SCYL3: variants seen among roughly 807,000 people sequenced by gnomAD.
The protein encoded by SCYL3 is SCY1 like pseudokinase 3, also known as protein-associating with the carboxyl-terminal domain of ezrin.
Under a neutral mutation model 73.8 loss-of-function variants are expected in SCYL3, and 35 were observed. The observed-to-expected ratio is 0.47, with a 90% CI of 0.36 to 0.63. The LOEUF (loss-of-function observed/expected upper bound fraction) is 0.63. SCYL3 is among the 20% of genes least tolerant of loss of function. SCYL3 has a pLI of 0.00. For missense variants in SCYL3, 712 were observed against 798.9 expected, an observed-to-expected ratio of 0.89 and a Z score of 1.31; for synonymous variants, 277 against 295.2, an observed-to-expected ratio of 0.94 and a Z score of 0.63.
chr1:169,871,864 T>C (rs1449001471), intron 5 of SCYL3, among the ~76,000 whole-genome samples: 2 of 152,174 alleles, frequency 1.3e-5, no homozygotes, highest in Non-Finnish European at 2.9e-5. Context: ...AGAGAGGATT[T>C]AGGGTATCTG....
intron 9 of SCYL3, among the ~76,000 whole-genome samples, chr1:169,863,883 C>T (rs1659839576): frequency 6.6e-6 from 1 of 152,160 alleles, no homozygotes; most frequent in Admixed American, 6.5e-5. Flanking sequence ...TATATTCTCT[C>T]ATCTGTTGTT....
intron 8 of SCYL3, among the ~76,000 whole-genome samples, chr1:169,866,540 T>C (rs184463344): frequency 1.2e-3 from 186 of 152,336 alleles, no homozygotes; most frequent in African/African-American, 4.3e-3. Flanking sequence ...ACTCAACTGT[T>C]TGCGGTTCCT....
intron 11 of SCYL3, 148 bp from the exon 12 acceptor site, chr1:169,855,112 C>T (rs1378052018): frequency 5.1e-6 from 3 of 586,084 alleles, no homozygotes; most frequent in Admixed American, 3.4e-5. Flanking sequence ...CCCAGCAGAA[C>T]ATTACTCAAG....
intron 7 of SCYL3, among the ~76,000 whole-genome samples, chr1:169,867,775 C>T (rs1014911705): frequency 6.6e-6 from 1 of 152,214 alleles, no homozygotes; most frequent in African/African-American, 2.4e-5. Context: ...TTTCTCCCCA[C>T]ATTAACAGTG....
chr1:169,871,446 G>A (rs768028423), intron 5 of SCYL3, among the ~76,000 whole-genome samples: 4 of 152,194 alleles, frequency 2.6e-5, no homozygotes, highest in Non-Finnish European at 4.4e-5. Flanking sequence ...GAACTCCCCA[G>A]CCACGTGGAA....
At chr1:169,877,704 G>A (rs1295884686) in intron 3 of SCYL3, among the ~76,000 whole-genome samples, 2 of 152,268 alleles carry the variant, frequency 1.3e-5, no homozygotes, top group African/African-American at 4.8e-5. Context: ...TTAGGGCACT[G>A]GATTCAAGGA....
intron 2 of SCYL3, among the ~76,000 whole-genome samples, chr1:169,883,434 G>A (rs1231687977): frequency 6.6e-6 from 1 of 152,188 alleles, no homozygotes; most frequent in Non-Finnish European, 1.5e-5. Context: ...TAAAGCTCTA[G>A]GGTCTACCCT....
chr1:169,853,994 A>AAATC (rs1465839626), intron 12 of SCYL3: 1 of 614,636 alleles, frequency 1.6e-6, no homozygotes, highest in African/African-American at 1.9e-5. Context: ...AATCCAGTAA[A>AAATC]AATCAGTGTG....
chr1:169,854,583 A>G lies in SCYL3; in HGVS notation c.1694T>C (p.Leu565Ser). 1 of 1,613,786 alleles carries G rather than the reference A, an allele frequency of 6.2e-7. No individual in the cohort carries two copies. The highest frequency in any genetic ancestry group is 8.5e-7 in the Non-Finnish European group (1 of 1,179,858). ...TTGTACAAGGCTAATCTTTTGGGGT[A>G]AGCTTGATTTCCAAGGCATAGACTC... ...TEESMPWKSS[L>S]PQKISLVQRG... Residue 565 changes from leucine (L) to serine (S), a missense_variant, in exon 12 of 13, where the codon TTA becomes TCA. Coordinates refer to ENST00000367771, the MANE Select transcript of SCYL3 (RefSeq NM_020423.7).
At chr1:169,893,619 G>A (rs909314752) in intron 1 of SCYL3, among the ~76,000 whole-genome samples, 169 bp downstream of exon 1, 2 of 151,784 alleles carry the variant, frequency 1.3e-5, no homozygotes, top group African/African-American at 2.4e-5. Flanking sequence ...CCGAAGCTGA[G>A]AGCACAGCTC....
At chr1:169,856,225 T>C (rs1025171863) in intron 11 of SCYL3, among the ~76,000 whole-genome samples, 1 of 152,182 alleles carries the variant, frequency 6.6e-6, no homozygotes, top group Non-Finnish European at 1.5e-5. Context: ...TTGGGACACC[T>C]AGCTAAAAAG....
Position 169,852,535 on chromosome 1 carries a change from C to T in SCYL3, c.*1178G>A. ...CTATGCAGCACTTCTCATTGGGAGC[C>T]CTTTGGGACAGGATACTTGTTGTAT... On this transcript the variant is annotated 3_prime_UTR_variant, in exon 13 of 13. Coordinates refer to ENST00000367771, the MANE Select transcript of SCYL3 (RefSeq NM_020423.7). 1 of 482,326 alleles carries T rather than the reference C, an allele frequency of 2.1e-6. No homozygotes were observed. The highest frequency in any genetic ancestry group is 3.7e-6 in the Non-Finnish European group (1 of 271,644). The allele number at this position is 482,326 out of a possible 1,614,324, so 29.9% of individuals were successfully genotyped here. A position where few individuals can be genotyped will look rare whatever the true frequency, so the allele number is the denominator to read the frequency against.
rs1658608662 is a variant in SCYL3, at chr1:169,852,966, T to A, written c.*747A>T. The A allele has an allele frequency of 6.2e-7, 1 of 1,613,932 alleles. No homozygotes were observed. Among genetic ancestry groups the A allele is most frequent in the Admixed American group, 1.7e-5 (1 of 60,000 alleles). On this transcript the variant is annotated 3_prime_UTR_variant, in exon 13 of 13. Coordinates refer to ENST00000367771, the MANE Select transcript of SCYL3 (RefSeq NM_020423.7). The stretch of plus-strand genomic sequence containing the variant: ...AAGAAAGGATGGATAAGCTAAAACG[T>A]TACATACATACTCTAGGGTGAAACT...
intron 2 of SCYL3, among the ~76,000 whole-genome samples, chr1:169,881,914 A>G (rs1444226094): frequency 6.6e-6 from 1 of 152,224 alleles, no homozygotes; most frequent in Non-Finnish European, 1.5e-5. Flanking sequence ...TCCTGCTCCT[A>G]TGAGAATCTA....
At chr1:169,888,491 T>C (rs185423508) in intron 2 of SCYL3, among the ~76,000 whole-genome samples, 185 bp downstream of exon 2, 2 of 152,356 alleles carry the variant, frequency 1.3e-5, no homozygotes, top group Admixed American at 6.5e-5. Flanking sequence ...ACAGGTATGG[T>C]ACCTGACCAT....
At chr1:169,853,881 A>G in intron 12 of SCYL3, 109 bp from the exon 13 acceptor site, 1 of 1,223,254 alleles carries the variant, frequency 8.2e-7, no homozygotes, top group Non-Finnish European at 1.2e-6. Context: ...GATGCCAGAA[A>G]CACTACCTCG....
At chr1:169,863,279 G>A (rs4656200) in intron 9 of SCYL3, among the ~76,000 whole-genome samples, 1 of 151,970 alleles carries the variant, frequency 6.6e-6, no homozygotes, top group Non-Finnish European at 1.5e-5. Flanking sequence ...ATTACTTAAC[G>A]CTTAATTATG....
In SCYL3 at chr1:169,878,872, A is replaced by T. The variant is rs142343683; in HGVS notation, c.166-53T>A. ...AGTTAATGACCCCAAACCAGATTAT[A>T]GTTTCATATACATTATGGGGGAAAT... On this transcript the variant is annotated intron_variant, in intron 2 of 12. Coordinates refer to ENST00000367771, the MANE Select transcript of SCYL3 (RefSeq NM_020423.7). 4.7e-3 allele frequency: 6,979 copies of T among 1,475,452 alleles called. 36 individuals carry two copies. The highest frequency in any genetic ancestry group is 0.032 in the Middle Eastern group (173 of 5,416). The allele number at this position is 1,475,452 out of a possible 1,614,324, so 91.4% of individuals were successfully genotyped here.
intron 3 of SCYL3, among the ~76,000 whole-genome samples, chr1:169,876,985 A>G (rs1193635799): frequency 6.7e-6 from 1 of 149,378 alleles, no homozygotes; most frequent in African/African-American, 2.5e-5. Context: ...AAAAAAAAAA[A>G]AAAGAAATAT....
Sources: allele counts gnomAD v4.1 joint callset (sites outside exome capture counted in the v4.1 genomes callset), GRCh38; gene constraint gnomAD v4.1.1; transcripts MANE v1.5; gene names NCBI Gene and HGNC (gene_info 2026-07-23, HGNC 2026-07-21).